Variants in GRM5 observed in about 807,000 individuals in gnomAD.
GRM5 encodes glutamate metabotropic receptor 5.
A neutral mutation model predicts 83.1 loss-of-function variants in GRM5; 19 were observed. That is an observed-to-expected ratio of 0.23 (90% CI 0.16 to 0.34). GRM5 has a LOEUF of 0.34. GRM5 is among the 10% of genes least tolerant of loss of function. The pLI is 1.00. For synonymous variants in GRM5, 675 were observed against 633.6 expected, an observed-to-expected ratio of 1.07 and a Z score of -0.98; for missense variants, 1,160 against 1,588.3, an observed-to-expected ratio of 0.73 and a Z score of 4.58.
intron 4 of GRM5, among the ~76,000 whole-genome samples, chr11:88,623,331 T>A (rs1185177921): frequency 6.6e-6 from 1 of 152,126 alleles, no homozygotes; most frequent in Non-Finnish European, 1.5e-5. Flanking sequence ...GTAGAGACTA[T>A]GTTGGACAGT....
At chr11:88,936,655 G>T (rs1391041683) in intron 2 of GRM5, among the ~76,000 whole-genome samples, 1 of 151,724 alleles carries the variant, frequency 6.6e-6, no homozygotes, top group Admixed American at 6.6e-5. Flanking sequence ...TGGATAAAAA[G>T]CTAAGTTTAA....
intron 4 of GRM5, among the ~76,000 whole-genome samples, chr11:88,647,572 C>T (rs1392417144): frequency 6.6e-6 from 1 of 152,108 alleles, no homozygotes; most frequent in African/African-American, 2.4e-5. Context: ...CTAGGCATCA[C>T]CATTCAGGAC....
chr11:88,610,510 C>T (rs1181858235), intron 4 of GRM5, among the ~76,000 whole-genome samples: 2 of 152,058 alleles, frequency 1.3e-5, no homozygotes, highest in African/African-American at 4.8e-5. Context: ...CTTGATTTTG[C>T]TCTGAGCTTG....
intron 3 of GRM5, among the ~76,000 whole-genome samples, chr11:88,783,083 G>A (rs4753194): frequency 0.72 from 109,911 of 151,960 alleles, 40,169 homozygotes; most frequent in African/African-American, 0.75. Context: ...CTACATTACT[G>A]TGCTAACTGG....
intron 3 of GRM5, among the ~76,000 whole-genome samples, chr11:88,807,833 A>G (rs1043554777): frequency 5.3e-5 from 8 of 152,086 alleles, no homozygotes; most frequent in Admixed American, 5.2e-4. Flanking sequence ...AAAATGTGCT[A>G]AGAGAAACTG....
chr11:88,637,914 A>G (rs1283676227), intron 4 of GRM5, among the ~76,000 whole-genome samples: 1 of 151,416 alleles, frequency 6.6e-6, no homozygotes, highest in South Asian at 2.1e-4. Flanking sequence ...CCAAATGTCC[A>G]ACAATGATAG....
chr11:88,552,433 C>A (rs1166808045), intron 8 of GRM5, among the ~76,000 whole-genome samples: 2 of 152,176 alleles, frequency 1.3e-5, no homozygotes, highest in Non-Finnish European at 1.5e-5. Context: ...GCTGGTCCAT[C>A]TGGGAATCAG....
chr11:88,619,914 G>GA lies in GRM5; in HGVS notation c.1148-14951dup, dbSNP rs200938832. On this transcript the variant is annotated intron_variant, in intron 4 of 9. Transcript: ENST00000305447. ...GGATAACATACTATAACATTGCAAT[G>GA]AAAAAAAAAACTGCAGTGAATCAAA... Among the ~76,000 whole-genome samples, 1,192 of 147,380 alleles carry GA rather than the reference G, an allele frequency of 8.1e-3. 21 individuals carry two copies. The highest frequency in any genetic ancestry group is 0.027 in the African/African-American group (1,091 of 40,476).
intron 3 of GRM5, among the ~76,000 whole-genome samples, chr11:88,733,043 A>G (rs1191025571): frequency 6.6e-6 from 1 of 152,086 alleles, no homozygotes; most frequent in Non-Finnish European, 1.5e-5. Flanking sequence ...CATAGACATG[A>G]CCCAATAAAT....
intron 3 of GRM5, among the ~76,000 whole-genome samples, chr11:88,699,604 G>A (rs1390635977): frequency 6.6e-6 from 1 of 152,158 alleles, no homozygotes; most frequent in Non-Finnish European, 1.5e-5. Context: ...CGAATGAAGG[G>A]TATATGTACA....
intron 2 of GRM5, among the ~76,000 whole-genome samples, chr11:88,899,601 C>G (rs1437629604): frequency 2.0e-5 from 3 of 151,682 alleles, no homozygotes; most frequent in Non-Finnish European, 4.4e-5. Flanking sequence ...TAATAATAAC[C>G]TACAGTTTGA....
intron 3 of GRM5, among the ~76,000 whole-genome samples, chr11:88,827,607 C>G (rs1943914797): frequency 6.6e-6 from 1 of 152,178 alleles, no homozygotes; most frequent in African/African-American, 2.4e-5. Context: ...TTGTTTGAAT[C>G]CTGCTGCTTC....
intron 2 of GRM5, among the ~76,000 whole-genome samples, chr11:88,902,620 A>G (rs568493395): frequency 2.8e-4 from 43 of 152,234 alleles, no homozygotes; most frequent in African/African-American, 9.6e-4. Flanking sequence ...CATTCTCTCA[A>G]AGGGAGAAAG....
intron 3 of GRM5, among the ~76,000 whole-genome samples, chr11:88,697,400 A>G (rs1355537811): frequency 1.3e-5 from 2 of 152,140 alleles, no homozygotes; most frequent in South Asian, 2.1e-4. Flanking sequence ...AATTCCTTCC[A>G]CAGATTAGGA....
intron 3 of GRM5, among the ~76,000 whole-genome samples, chr11:88,666,786 T>C (rs1299801002): frequency 1.3e-5 from 2 of 152,222 alleles, no homozygotes; most frequent in African/African-American, 4.8e-5. Context: ...TTAACTGCTA[T>C]AAACAAGCAA....
intron 2 of GRM5, among the ~76,000 whole-genome samples, chr11:88,861,558 C>A (rs1944563667): frequency 6.6e-6 from 1 of 152,084 alleles, no homozygotes; most frequent in Admixed American, 6.6e-5. Flanking sequence ...CTCAACTTTC[C>A]AGGCTCAAGT....
chr11:88,532,492 G>A (rs577652166), intron 8 of GRM5, among the ~76,000 whole-genome samples: 169 of 152,190 alleles, frequency 1.1e-3, no homozygotes, highest in Non-Finnish European at 2.1e-3. Context: ...AGTAAAGATG[G>A]CAGAGTTTTA....
At chr11:88,543,426 A>G (rs1942315784) in intron 8 of GRM5, among the ~76,000 whole-genome samples, 1 of 152,144 alleles carries the variant, frequency 6.6e-6, no homozygotes, top group African/African-American at 2.4e-5. Context: ...CAAATAAAAT[A>G]GCAGAAGGTT....
intron 2 of GRM5, among the ~76,000 whole-genome samples, chr11:88,871,387 G>A (rs902534811): frequency 6.6e-6 from 1 of 151,600 alleles, no homozygotes; most frequent in African/African-American, 2.4e-5. Flanking sequence ...AAATAGAGGA[G>A]ACCTACATGC....
Sources: allele counts gnomAD v4.1 joint callset (sites outside exome capture counted in the v4.1 genomes callset), GRCh38; gene constraint gnomAD v4.1.1; transcripts MANE v1.5; gene names NCBI Gene and HGNC (gene_info 2026-07-23, HGNC 2026-07-21).